ASCC1: variants seen among roughly 807,000 people sequenced by gnomAD.
ASCC1 encodes the protein activating signal cointegrator 1 complex subunit 1.
A neutral mutation model predicts 46.6 loss-of-function variants in ASCC1; 35 were observed. The observed-to-expected ratio is 0.75, with a 90% CI of 0.57 to 0.99. ASCC1 has a LOEUF of 0.99. Ranked by LOEUF, ASCC1 falls within the 50% of genes least tolerant of loss-of-function variation. The pLI, the probability that ASCC1 is intolerant of heterozygous loss-of-function variation, is 0.00. For synonymous variants in ASCC1, 143 were observed against 146.6 expected, an observed-to-expected ratio of 0.98 and a Z score of 0.18; for missense variants, 376 against 428.7, an observed-to-expected ratio of 0.88 and a Z score of 1.09.
chr10:72,128,027 G>A, intron 9 of ASCC1, 55 bp downstream of exon 9: 4 of 1,326,178 alleles, frequency 3.0e-6, no homozygotes, highest in Non-Finnish European at 4.4e-6. Flanking sequence ...TTGTTTTCCT[G>A]CCTTATTTAG....
intron 6 of ASCC1, among the ~76,000 whole-genome samples, chr10:72,155,707 A>G (rs1339373336): frequency 2.0e-5 from 3 of 152,210 alleles, no homozygotes; most frequent in Non-Finnish European, 4.4e-5. Context: ...GTGTTAAGTA[A>G]AACCCCACCA....
intron 6 of ASCC1, among the ~76,000 whole-genome samples, chr10:72,153,632 T>C (rs1177377789): frequency 2.0e-5 from 3 of 151,896 alleles, no homozygotes; most frequent in Non-Finnish European, 4.4e-5. Flanking sequence ...TTCACCATGT[T>C]AGCCAGGATG....
intron 3 of ASCC1, among the ~76,000 whole-genome samples, chr10:72,205,429 G>A (rs942109339): frequency 2.0e-5 from 3 of 151,550 alleles, no homozygotes; most frequent in Non-Finnish European, 2.9e-5. Context: ...TGAGGAGATC[G>A]AGGCCAGCCT....
At chr10:72,129,944 A>G (rs1007991946) in intron 8 of ASCC1, among the ~76,000 whole-genome samples, 40 of 142,772 alleles carry the variant, frequency 2.8e-4, no homozygotes, top group African/African-American at 1.0e-3. Context: ...TCACTCTACT[A>G]CACTCCAGCC....
rs568254332 is a variant in ASCC1, at chr10:72,108,200, C to T, written c.958-10750G>A. 1.2e-3 allele frequency among the ~76,000 whole-genome samples: 181 copies of T among 151,966 alleles called. 1 individual carries two copies. Among genetic ancestry groups the T allele is most frequent in the African/African-American group, 4.0e-3 (165 of 41,424 alleles). On this transcript the variant is annotated intron_variant, in intron 9 of 9. Transcript: ENST00000672957. ...CAAGAGATCCTCCCTCCTCAGTCTC[C>T]TGAGTAGCTGAGACTACAGGTGCAT...
chr10:72,177,434 G>A (rs999520555), intron 5 of ASCC1, among the ~76,000 whole-genome samples: 7 of 151,918 alleles, frequency 4.6e-5, no homozygotes. Flanking sequence ...AATACTAACT[G>A]GAAAAAAAAT....
intron 8 of ASCC1, 45 bp from the exon 9 acceptor site, chr10:72,128,212 T>C (rs1176841599): frequency 6.5e-7 from 1 of 1,541,998 alleles, no homozygotes; most frequent in East Asian, 2.2e-5. Flanking sequence ...GATTGATTGG[T>C]TGTTTTCTCT....
At chr10:72,171,131 T>C (rs542809130) in intron 5 of ASCC1, among the ~76,000 whole-genome samples, 1 of 152,330 alleles carries the variant, frequency 6.6e-6, no homozygotes, top group South Asian at 2.1e-4. Context: ...TATTCTTTTC[T>C]TCAACTTTTC....
At chr10:72,160,656 T>C (rs1441960820) in intron 6 of ASCC1, among the ~76,000 whole-genome samples, 2 of 146,752 alleles carry the variant, frequency 1.4e-5, no homozygotes, top group Non-Finnish European at 3.0e-5. Flanking sequence ...AGACCAGGAG[T>C]TTGAGACTAG....
chr10:72,138,997 G>A (rs1043944148), intron 7 of ASCC1, among the ~76,000 whole-genome samples: 42 of 152,098 alleles, frequency 2.8e-4, no homozygotes, highest in African/African-American at 1.0e-3. Flanking sequence ...ATGCATTCAT[G>A]AATGAATTCA....
At chr10:72,130,925 ACT>A (rs1404628811) in intron 8 of ASCC1, among the ~76,000 whole-genome samples, 1 of 152,044 alleles carries the variant, frequency 6.6e-6, no homozygotes, top group Admixed American at 6.6e-5. Flanking sequence ...GAGTTCTGAA[ACT>A]CTGCCTTTAC....
chr10:72,125,719 G>C (rs1375181368), intron 9 of ASCC1, among the ~76,000 whole-genome samples: 3 of 152,162 alleles, frequency 2.0e-5, no homozygotes, highest in African/African-American at 7.2e-5. Flanking sequence ...TCTGGAACTA[G>C]TGATTAAGGA....
rs115353230 is a variant in ASCC1, at chr10:72,138,214, G to A, written c.747-5033C>T. ...TTAGGTCTGAATATAACCATGCACC[G>A]CAAATTGCACTTCAGTTACAAATCA... On this transcript the variant is annotated intron_variant, in intron 7 of 9. Coordinates refer to ENST00000672957, the MANE Select transcript of ASCC1 (RefSeq NM_001198800.3). Among the ~76,000 whole-genome samples the A allele has an allele frequency of 4.7e-3, 711 of 152,206 alleles. 7 individuals carry two copies. Among genetic ancestry groups the A allele is most frequent in the African/African-American group, 0.016 (675 of 41,526 alleles).
chr10:72,113,265 C>T (rs1843127144), intron 9 of ASCC1, among the ~76,000 whole-genome samples: 1 of 152,118 alleles, frequency 6.6e-6, no homozygotes, highest in African/African-American at 2.4e-5. Flanking sequence ...GCTGGCTGGG[C>T]CCTTTCAAAA....
chr10:72,202,824 A>G (rs1489892635), intron 4 of ASCC1, among the ~76,000 whole-genome samples: 1 of 152,176 alleles, frequency 6.6e-6, no homozygotes, highest in Non-Finnish European at 1.5e-5. Flanking sequence ...AATCCATTTC[A>G]AGTTACCAAA....
chr10:72,170,288 C>T lies in ASCC1; in HGVS notation c.490-8614G>A, dbSNP rs777345770. On this transcript the variant is annotated intron_variant, in intron 5 of 9. Coordinates refer to ENST00000672957, the MANE Select transcript of ASCC1 (RefSeq NM_001198800.3). Reference sequence around the variant, plus strand: ...CTATAAAGAAATTAATCAACACTGACTGGATGGTGTCAAAATTAACATCAC... The same window carrying T: ...CTATAAAGAAATTAATCAACACTGATTGGATGGTGTCAAAATTAACATCAC... 3.3e-5 allele frequency among the ~76,000 whole-genome samples: 5 copies of T among 152,136 alleles called. No homozygotes were observed. In the East Asian group the frequency reaches 9.6e-4, roughly 29 times the overall value.
intron 6 of ASCC1, among the ~76,000 whole-genome samples, chr10:72,156,840 A>C (rs992971138): frequency 1.3e-5 from 2 of 152,064 alleles, no homozygotes; most frequent in African/African-American, 4.8e-5. Flanking sequence ...AAAAGGAAAA[A>C]GTTGTCTTGA....
At chr10:72,139,268 CACG>C (rs1218498768) in intron 7 of ASCC1, among the ~76,000 whole-genome samples, 1 of 151,972 alleles carries the variant, frequency 6.6e-6, no homozygotes, top group East Asian at 1.9e-4. Flanking sequence ...TGCCCGCCAC[CACG>C]CCCGGCTAAT....
At chr10:72,100,399 T>C (rs948874050) in intron 9 of ASCC1, among the ~76,000 whole-genome samples, 1 of 151,996 alleles carries the variant, frequency 6.6e-6, no homozygotes, top group Non-Finnish European at 1.5e-5. Context: ...ATAATTTCTG[T>C]ATTTTTCAGT....
Sources: gnomAD v4.1 joint callset for allele counts (sites outside exome capture counted in the v4.1 genomes callset) on GRCh38, gnomAD v4.1.1 for gene constraint, MANE v1.5 for transcripts, NCBI Gene and HGNC (gene_info 2026-07-23, HGNC 2026-07-21) for gene names.